Variants in MAN1A1 observed in about 807,000 individuals in gnomAD.
The protein encoded by MAN1A1 is mannosidase alpha class 1A member 1.
Under a neutral mutation model 70.8 loss-of-function variants are expected in MAN1A1, and 29 were observed. That is an observed-to-expected ratio of 0.41 (90% CI 0.31 to 0.56). MAN1A1 has a LOEUF of 0.56. MAN1A1 is among the 20% of genes least tolerant of loss of function. The probability of loss-of-function intolerance (pLI) is 0.29; values close to 1 mark genes in which losing one functional copy is unlikely to be tolerated. For synonymous variants in MAN1A1, 349 were observed against 330.1 expected, an observed-to-expected ratio of 1.06 and a Z score of -0.62; for missense variants, 747 against 841.3, an observed-to-expected ratio of 0.89 and a Z score of 1.39.
chr6:119,318,315 A>G (rs1399846497), intron 2 of MAN1A1, among the ~76,000 whole-genome samples: 2 of 152,184 alleles, frequency 1.3e-5, no homozygotes, highest in African/African-American at 4.8e-5. Context: ...CCCCAGAGAG[A>G]GTCCCATTGC....
chr6:119,234,744 T>C (rs1470837268), intron 6 of MAN1A1, among the ~76,000 whole-genome samples: 2 of 152,146 alleles, frequency 1.3e-5, no homozygotes, highest in Admixed American at 6.6e-5. Context: ...AAATTATACA[T>C]TTAAAAAATT....
chr6:119,294,851 G>T (rs1267115406), intron 4 of MAN1A1, among the ~76,000 whole-genome samples: 2 of 152,030 alleles, frequency 1.3e-5, no homozygotes, highest in Non-Finnish European at 1.5e-5. Flanking sequence ...ATCAAGAGAT[G>T]AGTATTACAA....
intron 5 of MAN1A1, among the ~76,000 whole-genome samples, chr6:119,284,798 A>AT (rs1776319183): frequency 6.6e-6 from 1 of 152,032 alleles, no homozygotes; most frequent in Non-Finnish European, 1.5e-5. Flanking sequence ...ATATGTGTAC[A>AT]TTTCTAATGT....
At chr6:119,273,418 C>T (rs1260248043) in intron 5 of MAN1A1, among the ~76,000 whole-genome samples, 1 of 152,094 alleles carries the variant, frequency 6.6e-6, no homozygotes, top group African/African-American at 2.4e-5. Flanking sequence ...TCCATACTTG[C>T]CCATGCCCTT....
intron 5 of MAN1A1, among the ~76,000 whole-genome samples, chr6:119,266,413 C>T (rs907449948): frequency 3.3e-5 from 5 of 151,868 alleles, no homozygotes; most frequent in South Asian, 2.1e-4. Context: ...GAATAGAGAG[C>T]CTAGAAATTG....
At chr6:119,185,459 G>A (rs562541344) in intron 11 of MAN1A1, among the ~76,000 whole-genome samples, 3 of 152,152 alleles carry the variant, frequency 2.0e-5, no homozygotes, top group African/African-American at 7.2e-5. Flanking sequence ...ATAGGAAGAC[G>A]GCTTACAAAT....
At chr6:119,305,784 C>T (rs553188435) in intron 3 of MAN1A1, among the ~76,000 whole-genome samples, 1 of 152,200 alleles carries the variant, frequency 6.6e-6, no homozygotes, top group Non-Finnish European at 1.5e-5. Flanking sequence ...TGTGTAAAGA[C>T]CTGTGCAAAG....
chr6:119,307,874 T>C (rs1337215131), intron 2 of MAN1A1, among the ~76,000 whole-genome samples: 1 of 152,170 alleles, frequency 6.6e-6, no homozygotes, highest in Non-Finnish European at 1.5e-5. Context: ...CACAAAGTTA[T>C]AGATATTATT....
chr6:119,334,121 G>A (rs978462838), intron 2 of MAN1A1, among the ~76,000 whole-genome samples: 4 of 151,920 alleles, frequency 2.6e-5, no homozygotes, highest in Admixed American at 6.6e-5. Context: ...GTTTATTTTC[G>A]ATCAATTTTA....
In MAN1A1 at chr6:119,349,708, G is replaced by C; in HGVS notation, c.-389C>G. 1.3e-5 allele frequency: 13 copies of C among 985,814 alleles called. No homozygotes were observed. The highest frequency in any genetic ancestry group is 1.6e-5 in the Non-Finnish European group (13 of 830,052). 61.1% of individuals were successfully genotyped at this position (985,814 alleles called of 1,614,324 possible). On this transcript the variant is annotated 5_prime_UTR_variant, in exon 1 of 13. Coordinates refer to ENST00000368468, the MANE Select transcript of MAN1A1 (RefSeq NM_005907.4). ...TGGGCGAGCGCGCCGACCTGCGGGC[G>C]AATGGCAGCGAGTAGAGCAGCACGG...
chr6:119,347,000 T>G (rs1176829615), intron 2 of MAN1A1, among the ~76,000 whole-genome samples: 1 of 152,234 alleles, frequency 6.6e-6, no homozygotes, highest in Non-Finnish European at 1.5e-5. Context: ...GAAAGGAAAC[T>G]GCTAGACAGT....
chr6:119,204,619 C>A, intron 7 of MAN1A1, 140 bp downstream of exon 7: 1 of 1,016,008 alleles, frequency 9.8e-7, no homozygotes, highest in Non-Finnish European at 1.5e-6. Flanking sequence ...AAATGAAATG[C>A]TGCATGTTGC....
chr6:119,275,666 T>A (rs574085854), intron 5 of MAN1A1, among the ~76,000 whole-genome samples: 365 of 152,178 alleles, frequency 2.4e-3, no homozygotes, highest in Middle Eastern at 0.017. Context: ...CGTCTCAAAC[T>A]CTTGACCTCA....
chr6:119,324,450 A>C (rs933423943), intron 2 of MAN1A1, among the ~76,000 whole-genome samples: 2 of 152,164 alleles, frequency 1.3e-5, no homozygotes, highest in African/African-American at 4.8e-5. Flanking sequence ...TTTCAACTGC[A>C]TGAGGGGTTG....
intron 5 of MAN1A1, among the ~76,000 whole-genome samples, chr6:119,261,043 A>C (rs185702280): frequency 0.017 from 2,230 of 128,690 alleles, 28 homozygotes; most frequent in Middle Eastern, 0.026. Flanking sequence ...CAGTGGTGCG[A>C]TCTCGGCTCA....
intron 5 of MAN1A1, among the ~76,000 whole-genome samples, chr6:119,271,542 C>T (rs1038472757): frequency 1.3e-5 from 2 of 151,986 alleles, no homozygotes; most frequent in African/African-American, 4.8e-5. Flanking sequence ...CTCTGTTGCC[C>T]AGGCTGGAGT....
intron 5 of MAN1A1, among the ~76,000 whole-genome samples, chr6:119,290,445 T>C (rs1039805773): frequency 1.3e-5 from 2 of 151,984 alleles, no homozygotes; most frequent in African/African-American, 4.8e-5. Context: ...CATAACATAA[T>C]AGAGCCAGTT....
At chr6:119,233,908 T>A (rs1281699141) in intron 6 of MAN1A1, among the ~76,000 whole-genome samples, 1 of 152,220 alleles carries the variant, frequency 6.6e-6, no homozygotes, top group South Asian at 2.1e-4. Context: ...AGTAGAATTA[T>A]TACATTATCA....
intron 2 of MAN1A1, among the ~76,000 whole-genome samples, chr6:119,335,780 C>T (rs140541404): frequency 3.9e-5 from 6 of 152,326 alleles, no homozygotes; most frequent in South Asian, 2.1e-4. Context: ...AAATCCTAAA[C>T]GACATGTGTT....
Sources: gnomAD v4.1 joint callset for allele counts (sites outside exome capture counted in the v4.1 genomes callset) on GRCh38, gnomAD v4.1.1 for gene constraint, MANE v1.5 for transcripts, NCBI Gene and HGNC (gene_info 2026-07-23, HGNC 2026-07-21) for gene names.